The following PHACTR2 variants were observed in gnomAD, a reference collection of about 807,000 sequenced individuals.
PHACTR2 encodes chromosome 6 open reading frame 56.
Under a neutral mutation model 76.0 loss-of-function variants are expected in PHACTR2, and 30 were observed. The observed-to-expected ratio is 0.39, with a 90% CI of 0.30 to 0.54. The LOEUF (loss-of-function observed/expected upper bound fraction) is 0.54. Ranked by LOEUF, PHACTR2 falls within the 20% of genes least tolerant of loss-of-function variation. The probability of loss-of-function intolerance (pLI) is 0.61; values close to 1 mark genes in which losing one functional copy is unlikely to be tolerated. For synonymous variants in PHACTR2, 292 were observed against 292.5 expected (o/e 1.00, Z 0.02); for missense variants, 696 against 781.1 (o/e 0.89, Z 1.30).
rs992710489 is a variant in PHACTR2 at position 143,663,401 on chromosome 6, A to G, written c.14-48615A>G. Among the ~76,000 whole-genome samples the G allele has an allele frequency of 1.3e-5, 2 of 151,672 alleles. No individual in the cohort carries two copies. The highest frequency in any genetic ancestry group is 1.5e-5 in the Non-Finnish European group (1 of 67,956). On this transcript the variant is annotated intron_variant, in intron 1 of 11. Coordinates refer to the PHACTR2 transcript ENST00000305766. The surrounding 1 kb of genome is among the most constrained non-coding windows in gnomAD (Gnocchi z 4.1). ...TTGAATCACTTCTCTTGATTTTAAG[A>G]TTCTGTTTCATTGGTGCCCTTGTTT... is the stretch of plus-strand genomic sequence containing the variant.
At chr6:143,771,218 A>ATGTG (rs1775633054) in intron 6 of PHACTR2, among the ~76,000 whole-genome samples, 1 of 102,072 alleles carries the variant, frequency 9.8e-6, no homozygotes, top group Non-Finnish European at 1.9e-5. Context: ...ATATATATAT[A>ATGTG]TATATATATA....
chr6:143,669,501 G>T (rs9484787), intron 1 of PHACTR2, among the ~76,000 whole-genome samples: 4,871 of 152,224 alleles, frequency 0.032, 254 homozygotes, highest in African/African-American at 0.11. Context: ...TATTGCATGG[G>T]AGTCTAAGTC....
At position 143,765,769 on chromosome 6, in the gene PHACTR2, C is replaced by G; in HGVS notation, c.1203C>G (p.Gly401=). The change falls in exon 6 of 13, where the codon GGC becomes GGG. Residue 401 remains glycine, a synonymous_variant. Coordinates refer to ENST00000440869, the MANE Select transcript of PHACTR2 (RefSeq NM_001100164.2). The surrounding 1 kb of genome is among the most constrained non-coding windows in gnomAD (Gnocchi z 4.1). ...GAACCACTCTCTACTCAGGCACTGG[C>G]TTAAGTGTTAACAGAGAAAATGCAA... ...TNRTTLYSGT[G]LSVNRENAKC... 6.2e-7 allele frequency: 1 copy of G among 1,613,492 alleles called. No individual in the cohort carries two copies. Among genetic ancestry groups the G allele is most frequent in the Non-Finnish European group, 8.5e-7 (1 of 1,179,486 alleles).
intron 1 of PHACTR2, among the ~76,000 whole-genome samples, chr6:143,665,298 C>T (rs1388756534): frequency 6.6e-6 from 1 of 152,158 alleles, no homozygotes; most frequent in Non-Finnish European, 1.5e-5. Flanking sequence ...TGGGATTTGC[C>T]TTTTCTGTCT....
At chr6:143,734,778 G>A (rs1430352425) in intron 2 of PHACTR2, among the ~76,000 whole-genome samples, 2 of 152,150 alleles carry the variant, frequency 1.3e-5, no homozygotes, top group African/African-American at 2.4e-5. Context: ...GAGAAGATCC[G>A]ATTGTTTATA....
At chr6:143,638,077 G>A (rs1890403) in intron 1 of PHACTR2, among the ~76,000 whole-genome samples, 131,823 of 152,278 alleles carry the variant, frequency 0.87, 57,518 homozygotes, top group African/African-American at 0.95. Context: ...TGATTCCAGA[G>A]CAAGGTTACA....
intron 2 of PHACTR2, among the ~76,000 whole-genome samples, chr6:143,716,818 A>G (rs1778312495): frequency 6.6e-6 from 1 of 152,236 alleles, no homozygotes; most frequent in Non-Finnish European, 1.5e-5. Context: ...TAGAAATGAC[A>G]TAGCCCAAGA....
chr6:143,789,175 G>C lies in PHACTR2; in HGVS notation c.1845+265G>C. ...GATGAGGAGGGCTTTCTCACATCCA[G>C]GATTTATCCTTACTCTTAGAAAATA... On this transcript the variant is annotated intron_variant, in intron 11 of 12. Transcript: ENST00000440869. This position sits in a 1 kb window ranked among gnomAD's most constrained non-coding sequence, Gnocchi z 5.1. 3.2e-6 allele frequency: 1 copy of C among 309,204 alleles called. No individual in the cohort carries two copies. Among genetic ancestry groups the C allele is most frequent in the Non-Finnish European group, 6.1e-6 (1 of 164,606 alleles). The allele number at this position is 309,204 out of a possible 1,614,324, so 19.2% of individuals were successfully genotyped here. A position where few individuals can be genotyped will look rare whatever the true frequency, so the allele number is the denominator to read the frequency against.
At position 143,539,336 on chromosome 6, in the gene PHACTR2, A is replaced by G. The variant is rs921015689; in HGVS notation, c.217+2129A>G. Among the ~76,000 whole-genome samples, 7 of 152,158 alleles carry G rather than the reference A, an allele frequency of 4.6e-5. No homozygotes were observed. Among genetic ancestry groups the G allele is most frequent in the African/African-American group, 1.7e-4 (7 of 41,438 alleles). On this transcript the variant is annotated intron_variant, in intron 1 of 11. Coordinates refer to the PHACTR2 transcript ENST00000367584. This position sits in a 1 kb window ranked among gnomAD's most constrained non-coding sequence, Gnocchi z 4.3. Reference sequence around the variant, plus strand: ...GAACATCTTTCATGTACCTGATTTCATTTTCAGAACTGAGCCTCGGATCCC... The same window carrying G: ...GAACATCTTTCATGTACCTGATTTCGTTTTCAGAACTGAGCCTCGGATCCC...
intron 1 of PHACTR2, among the ~76,000 whole-genome samples, chr6:143,551,371 T>A (rs1235510843): frequency 6.6e-6 from 1 of 152,238 alleles, no homozygotes; most frequent in African/African-American, 2.4e-5. Context: ...GTGAATGTGT[T>A]CTCTCACTCT....
At chr6:143,724,458 C>T (rs1171029992) in intron 2 of PHACTR2, among the ~76,000 whole-genome samples, 1 of 152,056 alleles carries the variant, frequency 6.6e-6, no homozygotes, top group African/African-American at 2.4e-5. Context: ...TTCTAGAAAA[C>T]ATTCACCTTT....
chr6:143,719,687 A>G (rs1182295436), intron 2 of PHACTR2, among the ~76,000 whole-genome samples: 7 of 150,112 alleles, frequency 4.7e-5, no homozygotes, highest in Non-Finnish European at 1.0e-4. Flanking sequence ...CTCACATCAT[A>G]TTGGAGGAAG....
At chr6:143,577,895 C>G (rs76346089) in intron 1 of PHACTR2, among the ~76,000 whole-genome samples, 4 of 152,126 alleles carry the variant, frequency 2.6e-5, no homozygotes, top group Admixed American at 1.3e-4. Context: ...CAAGGGAAAG[C>G]GAGAGGTATG....
intron 1 of PHACTR2, among the ~76,000 whole-genome samples, chr6:143,666,902 T>A (rs552814708): frequency 6.6e-6 from 1 of 152,254 alleles, no homozygotes; most frequent in Non-Finnish European, 1.5e-5. Context: ...TTTGTCAATT[T>A]TGGCTTTTGT....
In PHACTR2 at chr6:143,596,979, C is replaced by T. The variant is rs1775761864; in HGVS notation, c.217+59772C>T. Among the ~76,000 whole-genome samples, 1 of 152,226 alleles carries T rather than the reference C, an allele frequency of 6.6e-6. No individual in the cohort carries two copies. Among genetic ancestry groups the T allele is most frequent in the Non-Finnish European group, 1.5e-5 (1 of 68,046 alleles). On this transcript the variant is annotated intron_variant, in intron 1 of 11. Transcript: ENST00000367584. This position sits in a 1 kb window ranked among gnomAD's most constrained non-coding sequence, Gnocchi z 4.6. ...TCTGCCTTCTGCCTGTGTCTTGCAA[C>T]AGCCCTATTGCTGCCAGCACAGCCC...
At chr6:143,590,026 C>T (rs753160306) in intron 1 of PHACTR2, among the ~76,000 whole-genome samples, 17 of 152,028 alleles carry the variant, frequency 1.1e-4, no homozygotes, top group Admixed American at 2.0e-4. Context: ...ATTATAGTCA[C>T]GAAAACTCTG....
At position 143,757,496 on chromosome 6, in the gene PHACTR2, C is replaced by A. The variant is rs1437911685; in HGVS notation, c.455-2905C>A. ...TAGGCAGGGTGAGGACCACATGCAG[C>A]CCCAGGCTTGTTCTAAGTATCGTTG... On this transcript the variant is annotated intron_variant, in intron 4 of 12. Transcript: ENST00000440869. This position sits in a 1 kb window ranked among gnomAD's most constrained non-coding sequence, Gnocchi z 4.2. 6.6e-6 allele frequency among the ~76,000 whole-genome samples: 1 copy of A among 152,174 alleles called. No homozygotes were observed. The highest frequency in any genetic ancestry group is 2.4e-5 in the African/African-American group (1 of 41,444).
Position 143,697,410 on chromosome 6 carries a change from T to C in PHACTR2, c.47-14606T>C, listed in dbSNP as rs1256466842. ...AAGAGAGTGCTCTTGAAGAAATTAA[T>C]TTTCACCACTCATCACCGGGTGAAA... is the stretch of plus-strand genomic sequence containing the variant. On this transcript the variant is annotated intron_variant, in intron 1 of 12. Transcript: ENST00000440869. The surrounding 1 kb of genome is among the most constrained non-coding windows in gnomAD (Gnocchi z 4.4). Among the ~76,000 whole-genome samples, 1 of 152,230 alleles carries C rather than the reference T, an allele frequency of 6.6e-6. No homozygotes were observed. The highest frequency in any genetic ancestry group is 1.5e-5 in the Non-Finnish European group (1 of 68,036).
In PHACTR2 at chr6:143,733,166, GGATTA is replaced by G. The variant is rs1778743557; in HGVS notation, c.215-15818_215-15814del. Among the ~76,000 whole-genome samples, 1 of 152,144 alleles carries G rather than the reference GGATTA, an allele frequency of 6.6e-6. No homozygotes were observed. The highest frequency in any genetic ancestry group is 2.4e-5 in the African/African-American group (1 of 41,526). On this transcript the variant is annotated intron_variant, in intron 2 of 12. Coordinates refer to ENST00000440869, the MANE Select transcript of PHACTR2 (RefSeq NM_001100164.2). The surrounding 1 kb of genome is among the most constrained non-coding windows in gnomAD (Gnocchi z 4.0). ...CCTACCTTGACCTCCCAAAGTGCTG[GGATTA>G]TAGATGTGAGCCACCATGCCTAGCC...
Sources: gnomAD v4.1 joint callset for allele counts (sites outside exome capture counted in the v4.1 genomes callset) on GRCh38, gnomAD v4.1.1 for gene constraint, Gnocchi (gnomAD v3.1) non-coding constraint, MANE v1.5 for transcripts, NCBI Gene and HGNC (gene_info 2026-07-23, HGNC 2026-07-21) for gene names.